The following MTSS1 variants were observed in gnomAD, a reference collection of about 807,000 sequenced individuals.
MTSS1 encodes the protein MTSS I-BAR domain containing 1.
In MTSS1, 18 loss-of-function variants were observed where a neutral mutation model predicts 79.0. The ratio of observed to expected loss-of-function variants is 0.23; its 90% CI spans 0.16 to 0.34. MTSS1 has a LOEUF of 0.34. Among genes scored for constraint, MTSS1 ranks in the 10% least tolerant of loss-of-function variants. The probability of loss-of-function intolerance (pLI) is 1.00; values close to 1 mark genes in which losing one functional copy is unlikely to be tolerated. For synonymous variants in MTSS1, 341 were observed against 368.6 expected (o/e 0.93, Z 0.86); for missense variants, 815 against 986.2 (o/e 0.83, Z 2.33).
intron 6 of MTSS1, among the ~76,000 whole-genome samples, chr8:124,578,047 CTT>C (rs931179587): frequency 1.5e-4 from 23 of 152,134 alleles, no homozygotes; most frequent in Non-Finnish European, 2.5e-4. Flanking sequence ...ATTTCACAGG[CTT>C]TTTCCAAGAA....
chr8:124,599,482 C>CAA (rs202122400), intron 3 of MTSS1, among the ~76,000 whole-genome samples: 59 of 84,640 alleles, frequency 7.0e-4, no homozygotes, highest in Non-Finnish European at 9.4e-4. Flanking sequence ...GACTCCGTCT[C>CAA]AAAAAAAAAA....
At chr8:124,626,170 G>T (rs1814621795) in intron 3 of MTSS1, among the ~76,000 whole-genome samples, 1 of 152,212 alleles carries the variant, frequency 6.6e-6, no homozygotes, top group African/African-American at 2.4e-5. Context: ...AATACAAAGG[G>T]CTATGGGACA....
intron 3 of MTSS1, among the ~76,000 whole-genome samples, chr8:124,639,587 C>A: frequency 6.6e-6 from 1 of 151,962 alleles, no homozygotes; most frequent in East Asian, 1.9e-4. Flanking sequence ...CCTCAGCCTC[C>A]GGAGTAGCTG....
At chr8:124,555,710 A>G in intron 13 of MTSS1, 32 bp downstream of exon 13, 1 of 1,552,710 alleles carries the variant, frequency 6.4e-7, no homozygotes, top group South Asian at 1.2e-5. Flanking sequence ...CTGCTCAGAA[A>G]GCCTAAGTGC....
chr8:124,705,858 C>T (rs1378292301), intron 1 of MTSS1, among the ~76,000 whole-genome samples: 1 of 152,146 alleles, frequency 6.6e-6, no homozygotes, highest in African/African-American at 2.4e-5. Context: ...TTAGCAGTAT[C>T]GCTATCTTCC....
Position 124,683,519 on chromosome 8 carries a change from G to A in MTSS1, c.208+16007C>T, listed in dbSNP as rs1358613585. On this transcript the variant is annotated intron_variant, in intron 3 of 13. Transcript: ENST00000518547. The surrounding 1 kb of genome is among the most constrained non-coding windows in gnomAD (Gnocchi z 4.5). ...CCTGGAAAGGAACTCAGAAACACAG[G>A]TGTCTCTCCAGACTAGAAAACCTCA... Among the ~76,000 whole-genome samples, 2 of 152,178 alleles carry A rather than the reference G, an allele frequency of 1.3e-5. No homozygotes were observed. Among genetic ancestry groups the A allele is most frequent in the African/African-American group, 4.8e-5 (2 of 41,438 alleles).
In MTSS1 at chr8:124,557,663, AG is replaced by A; in HGVS notation, c.1230+17del. 6.4e-7 allele frequency: 1 copy of A among 1,550,572 alleles called. No homozygotes were observed. The highest frequency in any genetic ancestry group is 1.9e-5 in the Admixed American group (1 of 52,128). ...CAGAGGCAATGACGGGGAGAGGAGG[AG>A]GGGGAGAGACACAAACCTTCCAGCT... On this transcript the variant is annotated intron_variant, in intron 11 of 13. Coordinates refer to ENST00000518547, the MANE Select transcript of MTSS1 (RefSeq NM_014751.6).
At chr8:124,721,886 C>G (rs1004397227) in intron 1 of MTSS1, among the ~76,000 whole-genome samples, 3 of 152,188 alleles carry the variant, frequency 2.0e-5, no homozygotes, top group Non-Finnish European at 2.9e-5. Context: ...TGTAACCACA[C>G]GCATGCAGCC....
At chr8:124,671,338 A>T (rs993146834) in intron 3 of MTSS1, among the ~76,000 whole-genome samples, 1 of 152,060 alleles carries the variant, frequency 6.6e-6, no homozygotes, top group Admixed American at 6.6e-5. Flanking sequence ...ACAGTCATGC[A>T]TGGGTACCAA....
intron 3 of MTSS1, among the ~76,000 whole-genome samples, chr8:124,592,600 A>G (rs1272311024): frequency 1.3e-5 from 2 of 152,142 alleles, no homozygotes; most frequent in Non-Finnish European, 2.9e-5. Context: ...TTTCCATTTC[A>G]TTTTGCAAAA....
chr8:124,606,341 G>A (rs1487153544), intron 3 of MTSS1, among the ~76,000 whole-genome samples: 1 of 151,652 alleles, frequency 6.6e-6, no homozygotes, highest in African/African-American at 2.4e-5. Context: ...TAGAGACGGG[G>A]TTTCACCGTG....
At chr8:124,714,859 C>G (rs1373922958) in intron 1 of MTSS1, among the ~76,000 whole-genome samples, 2 of 152,198 alleles carry the variant, frequency 1.3e-5, no homozygotes, top group African/African-American at 4.8e-5. Flanking sequence ...CAATATTTAA[C>G]CACCTAATAC....
intron 3 of MTSS1, among the ~76,000 whole-genome samples, chr8:124,669,854 G>T (rs1368997683): frequency 6.6e-6 from 1 of 152,170 alleles, no homozygotes; most frequent in Non-Finnish European, 1.5e-5. Context: ...CAGATGGTAC[G>T]CGCGTCTTGC....
intron 3 of MTSS1, among the ~76,000 whole-genome samples, chr8:124,594,712 C>T (rs374221471): frequency 8.5e-5 from 13 of 152,290 alleles, no homozygotes; most frequent in Admixed American, 2.0e-4. Flanking sequence ...CCAACTGGCA[C>T]GAAGACAGGA....
intron 3 of MTSS1, among the ~76,000 whole-genome samples, chr8:124,641,880 G>T (rs774909197): frequency 9.2e-5 from 14 of 152,110 alleles, no homozygotes; most frequent in Non-Finnish European, 1.8e-4. Context: ...ACAAAAAACT[G>T]GCTCACTGGC....
chr8:124,693,968 G>A (rs79498627), intron 3 of MTSS1, among the ~76,000 whole-genome samples: 5 of 152,142 alleles, frequency 3.3e-5, no homozygotes, highest in African/African-American at 1.2e-4. Context: ...GAAGCCCAGA[G>A]AAGGGAAATA....
intron 3 of MTSS1, among the ~76,000 whole-genome samples, chr8:124,629,389 C>T (rs948002554): frequency 1.3e-5 from 2 of 151,094 alleles, no homozygotes; most frequent in Non-Finnish European, 2.9e-5. Flanking sequence ...TGGTGGCGGG[C>T]ACCTGTAGTC....
chr8:124,699,440 G>T, intron 3 of MTSS1, 86 bp downstream of exon 3: 3 of 1,215,526 alleles, frequency 2.5e-6, no homozygotes, highest in Non-Finnish European at 3.6e-6. Flanking sequence ...GATAACTTAA[G>T]CTGCATCTTC....
chr8:124,588,565 A>G (rs1020002498), intron 5 of MTSS1, among the ~76,000 whole-genome samples: 10 of 152,202 alleles, frequency 6.6e-5, no homozygotes, highest in Admixed American at 1.3e-4. Context: ...GTTCACAAAG[A>G]CTTGTCTCAC....
Sources: gnomAD v4.1 joint callset for allele counts (sites outside exome capture counted in the v4.1 genomes callset) on GRCh38, gnomAD v4.1.1 for gene constraint, Gnocchi (gnomAD v3.1) non-coding constraint, MANE v1.5 for transcripts, NCBI Gene and HGNC (gene_info 2026-07-23, HGNC 2026-07-21) for gene names.